The following OTUD7A variants were observed in gnomAD, a reference collection of about 807,000 sequenced individuals.
OTUD7A encodes the protein OTU domain-containing protein 7A.
A neutral mutation model predicts 65.7 loss-of-function variants in OTUD7A; 12 were observed. The ratio of observed to expected loss-of-function variants is 0.18; its 90% CI spans 0.12 to 0.30. OTUD7A has a LOEUF of 0.30. Ranked by LOEUF, OTUD7A falls within the 10% of genes least tolerant of loss-of-function variation. OTUD7A has a pLI of 1.00. For synonymous variants in OTUD7A, 641 were observed against 586.3 expected, an observed-to-expected ratio of 1.09 and a Z score of -1.35; for missense variants, 1,148 against 1,304.8, an observed-to-expected ratio of 0.88 and a Z score of 1.85.
In OTUD7A at chr15:31,477,831, A is replaced by G. The variant is rs1321278232; in HGVS notation, c.*5463T>C. ...AATCAAATAAATGGATGAATGATTA[A>G]CATCTGCAGCACTCAGATGGTGATA... is the stretch of plus-strand genomic sequence containing the variant. On this transcript the variant is annotated 3_prime_UTR_variant, in exon 13 of 13. Coordinates refer to ENST00000307050, the MANE Select transcript of OTUD7A (RefSeq NM_001382637.1). 6.6e-6 allele frequency: 1 copy of G among 150,624 alleles called. No homozygotes were observed. The highest frequency in any genetic ancestry group is 6.6e-5 in the Admixed American group (1 of 15,132). 9.3% of individuals were successfully genotyped at this position (150,624 alleles called of 1,614,324 possible).
intron 1 of OTUD7A, among the ~76,000 whole-genome samples, chr15:31,816,062 A>G (rs939998309): frequency 1.3e-5 from 2 of 152,220 alleles, no homozygotes; most frequent in African/African-American, 4.8e-5. Flanking sequence ...CTCCAGGAAA[A>G]AAACCACTGA....
intron 3 of OTUD7A, among the ~76,000 whole-genome samples, chr15:31,612,217 T>C (rs980192370): frequency 2.6e-4 from 40 of 152,184 alleles, no homozygotes; most frequent in Non-Finnish European, 3.7e-4. Context: ...GTTGAAAGCA[T>C]TCCCTCTGAG....
At chr15:31,797,532 A>T (rs1896001151) in intron 1 of OTUD7A, among the ~76,000 whole-genome samples, 1 of 152,134 alleles carries the variant, frequency 6.6e-6, no homozygotes, top group African/African-American at 2.4e-5. Flanking sequence ...AAGCTCCAGG[A>T]GGCCAGGGCC....
At chr15:31,779,665 T>C (rs946760453) in intron 1 of OTUD7A, among the ~76,000 whole-genome samples, 2 of 152,206 alleles carry the variant, frequency 1.3e-5, no homozygotes, top group African/African-American at 4.8e-5. Context: ...ACACAGCTTC[T>C]GGCTCCTAGT....
chr15:31,723,164 C>T (rs1269181461), intron 1 of OTUD7A, among the ~76,000 whole-genome samples: 1 of 152,172 alleles, frequency 6.6e-6, no homozygotes, highest in Non-Finnish European at 1.5e-5. Flanking sequence ...GGAGCTCCTG[C>T]AGAGCCTGAG....
chr15:31,588,846 C>T (rs530962385), intron 3 of OTUD7A, among the ~76,000 whole-genome samples: 7 of 152,340 alleles, frequency 4.6e-5, no homozygotes, highest in African/African-American at 1.7e-4. Flanking sequence ...ACTATGGCAG[C>T]CTGGAGGGCA....
At chr15:31,857,495 G>A (rs1333693324) in intron 1 of OTUD7A, among the ~76,000 whole-genome samples, 4 of 152,146 alleles carry the variant, frequency 2.6e-5, no homozygotes, top group East Asian at 1.9e-4. Context: ...TTACACACTC[G>A]GGAAAGGAAA....
intron 1 of OTUD7A, among the ~76,000 whole-genome samples, chr15:31,700,604 C>T (rs1195310095): frequency 2.0e-5 from 3 of 152,186 alleles, no homozygotes; most frequent in South Asian, 2.1e-4. Flanking sequence ...CTCCCCAATT[C>T]GGGCAATCAT....
At chr15:31,522,089 G>A (rs2041945556) in intron 8 of OTUD7A, among the ~76,000 whole-genome samples, 1 of 152,204 alleles carries the variant, frequency 6.6e-6, no homozygotes, top group Non-Finnish European at 1.5e-5. Flanking sequence ...CTGGCTTTGT[G>A]TCTTTCAGGC....
intron 1 of OTUD7A, among the ~76,000 whole-genome samples, chr15:31,769,260 G>A (rs1198597737): frequency 1.3e-5 from 2 of 152,078 alleles, no homozygotes; most frequent in East Asian, 3.8e-4. Context: ...CTAGAACAAG[G>A]GAAATTCCAA....
intron 1 of OTUD7A, among the ~76,000 whole-genome samples, chr15:31,720,307 GCAT>G: frequency 6.6e-6 from 1 of 151,732 alleles, no homozygotes; most frequent in East Asian, 1.9e-4. Flanking sequence ...TCAATGGTCT[GCAT>G]ATACAATGGT....
chr15:31,749,359 G>A (rs1197398648), intron 1 of OTUD7A, among the ~76,000 whole-genome samples: 1 of 152,178 alleles, frequency 6.6e-6, no homozygotes, highest in Non-Finnish European at 1.5e-5. Context: ...GCTGGTAGAA[G>A]TATACATTGG....
intron 1 of OTUD7A, among the ~76,000 whole-genome samples, chr15:31,800,493 T>A (rs1896091306): frequency 6.6e-6 from 1 of 152,272 alleles, no homozygotes; most frequent in Admixed American, 6.5e-5. Context: ...CTCCCCAGGA[T>A]GCTGTGGGGC....
intron 3 of OTUD7A, among the ~76,000 whole-genome samples, chr15:31,627,377 G>A (rs1194295855): frequency 6.6e-6 from 1 of 151,642 alleles, no homozygotes; most frequent in East Asian, 1.9e-4. Context: ...TGCTGAGAAT[G>A]ATGGTTTCCA....
intron 1 of OTUD7A, among the ~76,000 whole-genome samples, chr15:31,755,017 G>C (rs990286842): frequency 1.3e-5 from 2 of 151,754 alleles, no homozygotes; most frequent in Non-Finnish European, 2.9e-5. Flanking sequence ...GAGAGAGAGA[G>C]AGATGGTGTG....
chr15:31,780,143 C>T (rs1281468676), intron 1 of OTUD7A, among the ~76,000 whole-genome samples: 1 of 152,176 alleles, frequency 6.6e-6, no homozygotes, highest in Non-Finnish European at 1.5e-5. Context: ...AGTATCTGCC[C>T]CTCTGGTTTA....
chr15:31,515,885 TCCAC>T lies in OTUD7A; in HGVS notation c.893+10460_893+10463del, dbSNP rs546048871. On this transcript the variant is annotated intron_variant, in intron 8 of 12. Transcript: ENST00000307050. ...TGCCATCCACCCACCCATACACCTG[TCCAC>T]CCACCCACCCATCCACCTGTCCATC... 2.6e-3 allele frequency among the ~76,000 whole-genome samples: 390 copies of T among 148,224 alleles called. 1 individual carries two copies. The highest frequency in any genetic ancestry group is 2.9e-3 in the Non-Finnish European group (198 of 67,142).
chr15:31,772,438 GA>G (rs1331348883), intron 1 of OTUD7A, among the ~76,000 whole-genome samples: 3 of 151,710 alleles, frequency 2.0e-5, no homozygotes, highest in African/African-American at 4.8e-5. Context: ...AGGAATAAAC[GA>G]AAAAAAATGA....
chr15:31,854,807 C>T lies in OTUD7A; in HGVS notation c.-100+15700G>A, dbSNP rs182295055. On this transcript the variant is annotated intron_variant, in intron 1 of 12. Coordinates refer to ENST00000307050, the MANE Select transcript of OTUD7A (RefSeq NM_001382637.1). ...TTGTCTTCCTGCCTACCACACTTTCCTAAAAAGGAAAAAAAAAAACAACAA... is the reference window on the plus strand; with the variant it reads ...TTGTCTTCCTGCCTACCACACTTTCTTAAAAAGGAAAAAAAAAAACAACAA... Among the ~76,000 whole-genome samples, 900 of 149,578 alleles carry T rather than the reference C, an allele frequency of 6.0e-3. 9 individuals are homozygous for T. Among genetic ancestry groups the T allele is most frequent in the African/African-American group, 0.02 (798 of 40,698 alleles).
Sources: gnomAD v4.1 joint callset for allele counts (sites outside exome capture counted in the v4.1 genomes callset) on GRCh38, gnomAD v4.1.1 for gene constraint, MANE v1.5 for transcripts, NCBI Gene and HGNC (gene_info 2026-07-23, HGNC 2026-07-21) for gene names.